The following CCDC192 variants were observed in gnomAD, a reference collection of about 807,000 sequenced individuals.
CCDC192 encodes the protein coiled-coil domain containing 192, also known as coiled-coil domain-containing protein 192.
intron 3 of CCDC192, among the ~76,000 whole-genome samples, chr5:127,791,601 G>A (rs184275461): frequency 1.2e-4 from 19 of 152,258 alleles, no homozygotes; most frequent in South Asian, 6.2e-4. Context: ...GTCACTGGCC[G>A]CAGAAATATT....
chr5:127,929,893 T>G (rs1170324947), intron 6 of CCDC192, among the ~76,000 whole-genome samples: 1 of 152,118 alleles, frequency 6.6e-6, no homozygotes, highest in Admixed American at 6.5e-5. Context: ...TTGACACTAG[T>G]GCAACATGCA....
intron 2 of CCDC192, among the ~76,000 whole-genome samples, chr5:127,752,013 C>T (rs1261539548): frequency 2.0e-5 from 3 of 151,908 alleles, no homozygotes; most frequent in Non-Finnish European, 2.9e-5. Flanking sequence ...GTTATACATT[C>T]TTCTAAATTT....
At chr5:127,787,643 C>A (rs1756624305) in intron 3 of CCDC192, among the ~76,000 whole-genome samples, 1 of 151,992 alleles carries the variant, frequency 6.6e-6, no homozygotes, top group South Asian at 2.1e-4. Flanking sequence ...TTTTTATGAA[C>A]CAAATTATAG....
chr5:127,899,205 C>G (rs531317989), intron 6 of CCDC192, among the ~76,000 whole-genome samples: 1 of 151,916 alleles, frequency 6.6e-6, no homozygotes, highest in African/African-American at 2.4e-5. Flanking sequence ...TTCAATAAAG[C>G]GAAAGAAATG....
intron 6 of CCDC192, among the ~76,000 whole-genome samples, chr5:127,939,189 C>T (rs1048871737): frequency 2.2e-5 from 3 of 134,810 alleles, no homozygotes; most frequent in Non-Finnish European, 4.6e-5. Flanking sequence ...ACAATCTCAG[C>T]TCAATGCAAC....
At chr5:127,804,278 C>T (rs554171788) in intron 5 of CCDC192, among the ~76,000 whole-genome samples, 1 of 152,218 alleles carries the variant, frequency 6.6e-6, no homozygotes, top group Admixed American at 6.5e-5. Context: ...GCAATAATAC[C>T]CAGATATTCT....
intron 6 of CCDC192, among the ~76,000 whole-genome samples, chr5:127,912,209 C>T (rs923914981): frequency 2.0e-4 from 30 of 151,392 alleles, no homozygotes; most frequent in Admixed American, 2.0e-3. Context: ...GGATTACAGG[C>T]GTGAGCAACT....
At chr5:127,760,397 G>A (rs1754846840) in intron 3 of CCDC192, among the ~76,000 whole-genome samples, 1 of 151,988 alleles carries the variant, frequency 6.6e-6, no homozygotes, top group Admixed American at 6.6e-5. Context: ...ATTTCCCATG[G>A]AAACTCTTGC....
chr5:127,791,618 G>C (rs531772631), intron 3 of CCDC192, among the ~76,000 whole-genome samples: 30 of 152,166 alleles, frequency 2.0e-4, no homozygotes, highest in Non-Finnish European at 3.7e-4. Context: ...TATTAGAATA[G>C]AGACTTCAGT....
At chr5:127,908,534 C>A (rs1753260826) in intron 6 of CCDC192, among the ~76,000 whole-genome samples, 1 of 152,168 alleles carries the variant, frequency 6.6e-6, no homozygotes, top group South Asian at 2.1e-4. Context: ...TCACTTCTTC[C>A]TGCTAAAATA....
intron 2 of CCDC192, among the ~76,000 whole-genome samples, chr5:127,718,756 T>G (rs1751786223): frequency 6.6e-6 from 1 of 152,130 alleles, no homozygotes; most frequent in Admixed American, 6.6e-5. Flanking sequence ...TTAAAAATTT[T>G]TAATTGTTAT....
At chr5:127,791,032 A>G (rs1756838566) in intron 3 of CCDC192, among the ~76,000 whole-genome samples, 1 of 152,204 alleles carries the variant, frequency 6.6e-6, no homozygotes. Flanking sequence ...TATAGTTTAC[A>G]TGATGTTGGA....
At position 127,766,340 on chromosome 5, in the gene CCDC192, T is replaced by C. The variant is rs566831974; in HGVS notation, c.222+11965T>C. Among the ~76,000 whole-genome samples the C allele has an allele frequency of 4.6e-5, 7 of 151,646 alleles. No individual in the cohort carries two copies. The East Asian group carries it at 1.4e-3, about 29-fold the overall frequency. On this transcript the variant is annotated intron_variant, in intron 3 of 6. Transcript: ENST00000514853. ...ACAGAGTATAATATGCAGGCAAATA[T>C]AGGAAAAAAAAGTTCTAGAGAGGAC...
rs577053429 is a variant in CCDC192 at position 127,935,182 on chromosome 5, A to G, written c.536-6000A>G. The G allele has an allele frequency of 6.0e-4, 92 of 152,232 alleles. 1 individual carries two copies. The highest frequency in any genetic ancestry group is 2.2e-3 in the African/African-American group (90 of 41,526). The allele number at this position is 152,232 out of a possible 1,614,324, so 9.4% of individuals were successfully genotyped here. ...CCTAACTCAGTGCTGCCCCTCCCCT[A>G]CTTCACTGTGAAGCTGCAGCTGTGG... On this transcript the variant is annotated intron_variant, in intron 6 of 6. Transcript: ENST00000514853.
intron 6 of CCDC192, among the ~76,000 whole-genome samples, chr5:127,891,472 T>C (rs1405946359): frequency 1.3e-5 from 2 of 149,282 alleles, no homozygotes; most frequent in African/African-American, 5.0e-5. Flanking sequence ...TTCTCCTGAT[T>C]GCTTTTTGTT....
At chr5:127,752,861 G>C (rs1240441517) in intron 2 of CCDC192, among the ~76,000 whole-genome samples, 1 of 152,150 alleles carries the variant, frequency 6.6e-6, no homozygotes, top group African/African-American at 2.4e-5. Flanking sequence ...ATTCGGGTGG[G>C]AGTGACCCGA....
chr5:127,909,450 C>A (rs1215687364), intron 6 of CCDC192, among the ~76,000 whole-genome samples: 1 of 151,818 alleles, frequency 6.6e-6, no homozygotes, highest in Non-Finnish European at 1.5e-5. Context: ...TTTAGATAAA[C>A]GTGTTCTTCA....
At chr5:127,824,186 C>T (rs1170571243) in intron 5 of CCDC192, among the ~76,000 whole-genome samples, 5 of 152,178 alleles carry the variant, frequency 3.3e-5, no homozygotes, top group African/African-American at 4.8e-5. Context: ...CAATTAGCAG[C>T]TGTGCTAGGG....
intron 6 of CCDC192, among the ~76,000 whole-genome samples, chr5:127,909,626 A>G (rs2127175168): frequency 6.6e-6 from 1 of 152,234 alleles, no homozygotes; most frequent in South Asian, 2.1e-4. Context: ...ATTGCTAGTT[A>G]ATGGAAAAAA....
Sources: gnomAD v4.1 joint callset for allele counts (sites outside exome capture counted in the v4.1 genomes callset) on GRCh38, gnomAD v4.1.1 for gene constraint, MANE v1.5 for transcripts, NCBI Gene and HGNC (gene_info 2026-07-23, HGNC 2026-07-21) for gene names.